KIF13B: variants seen among roughly 807,000 people sequenced by gnomAD.
KIF13B encodes kinesin family member 13B.
Under a neutral mutation model 222.0 loss-of-function variants are expected in KIF13B, and 127 were observed. The observed-to-expected ratio is 0.57, with a 90% CI of 0.50 to 0.66. KIF13B has a LOEUF of 0.66. KIF13B is among the 30% of genes least tolerant of loss of function. The probability of loss-of-function intolerance (pLI) is 0.00; values close to 1 mark genes in which losing one functional copy is unlikely to be tolerated. For missense variants in KIF13B, 2,173 were observed against 2,379.0 expected (o/e 0.91, Z 1.80); for synonymous variants, 976 against 919.0 (o/e 1.06, Z -1.12).
At chr8:29,175,683 A>G (rs1309599888) in intron 10 of KIF13B, among the ~76,000 whole-genome samples, 1 of 152,248 alleles carries the variant, frequency 6.6e-6, no homozygotes, top group Non-Finnish European at 1.5e-5. Context: ...CCAAAATGTT[A>G]GCCCAACAAA....
chr8:29,209,885 C>CAAAAAAAAAAAA (rs11414197), intron 2 of KIF13B, among the ~76,000 whole-genome samples: 1 of 107,514 alleles, frequency 9.3e-6, no homozygotes, highest in Non-Finnish European at 1.8e-5. Context: ...TACCTCTCCA[C>CAAAAAAAAAAAA]AAAAAAAAAA....
intron 18 of KIF13B, 111 bp downstream of exon 18, chr8:29,146,267 C>T: frequency 9.3e-7 from 1 of 1,070,808 alleles, no homozygotes; most frequent in African/African-American, 1.5e-5. Flanking sequence ...GACAAAGGAT[C>T]TGGACTTGGG....
intron 1 of KIF13B, among the ~76,000 whole-genome samples, chr8:29,256,396 G>A (rs1816480121): frequency 6.6e-6 from 1 of 152,186 alleles, no homozygotes; most frequent in South Asian, 2.1e-4. Context: ...GTGGAACTTG[G>A]AGCCAAGGGG....
rs576122477 is a variant in KIF13B, at chr8:29,212,358, C to G, written c.150-16159G>C. Among the ~76,000 whole-genome samples the G allele has an allele frequency of 2.4e-4, 37 of 152,296 alleles. No individual in the cohort carries two copies. In the East Asian group the frequency reaches 6.8e-3, roughly 28 times the overall value. On this transcript the variant is annotated intron_variant, in intron 2 of 39. Transcript: ENST00000524189. ...GGTTGCTCCCCATCTTCACCAACAC[C>G]CAGTGCAGCATCGTCTGTCGTTTTG... is the stretch of plus-strand genomic sequence containing the variant.
rs1383538414 is a variant in KIF13B at position 29,067,898 on chromosome 8, G to C, written c.*2606C>G. ...TCCCGCTCCCTCTGGTCAGGCCTGGGTACCCAGGAACCCAGTCACACACCT... is the reference window on the plus strand; with the variant it reads ...TCCCGCTCCCTCTGGTCAGGCCTGGCTACCCAGGAACCCAGTCACACACCT... On this transcript the variant is annotated 3_prime_UTR_variant, in exon 40 of 40. Coordinates refer to ENST00000524189, the MANE Select transcript of KIF13B (RefSeq NM_015254.4). 6.6e-6 allele frequency: 1 copy of C among 152,560 alleles called. No homozygotes were observed. Among genetic ancestry groups the C allele is most frequent in the Admixed American group, 6.5e-5 (1 of 15,286 alleles). The allele number at this position is 152,560 out of a possible 1,614,324, so 9.5% of individuals were successfully genotyped here.
Position 29,070,127 on chromosome 8 carries a change from A to G in KIF13B, c.*377T>C, listed in dbSNP as rs1377843702. 8.1e-6 allele frequency: 2 copies of G among 246,620 alleles called. No homozygotes were observed. The highest frequency in any genetic ancestry group is 1.6e-5 in the Non-Finnish European group (2 of 127,308). The allele number at this position is 246,620 out of a possible 1,614,324, so 15.3% of individuals were successfully genotyped here. On this transcript the variant is annotated 3_prime_UTR_variant, in exon 40 of 40. Coordinates refer to ENST00000524189, the MANE Select transcript of KIF13B (RefSeq NM_015254.4). The surrounding 1 kb of genome is among the most constrained non-coding windows in gnomAD (Gnocchi z 4.1). ...AAGGCACTGGTTACAATTATGGTTT[A>G]GGTTAAGACATTAGTGGGGCCACCA...
At chr8:29,155,975 TA>T (rs1328284505) in intron 13 of KIF13B, 119 bp from the exon 14 acceptor site, 4 of 728,124 alleles carry the variant, frequency 5.5e-6, no homozygotes, top group African/African-American at 5.4e-5. Flanking sequence ...TTTTTATTTT[TA>T]TTTTATTTTT....
At chr8:29,072,770 G>A (rs1044065624) in intron 38 of KIF13B, among the ~76,000 whole-genome samples, 9 of 152,106 alleles carry the variant, frequency 5.9e-5, no homozygotes, top group African/African-American at 1.9e-4. Flanking sequence ...GGGCCAGCAC[G>A]CTACAAAGAC....
In KIF13B at chr8:29,181,866, A is replaced by G. The variant is rs1563766324; in HGVS notation, c.585+53T>C. 2.5e-6 allele frequency: 3 copies of G among 1,192,100 alleles called. No individual in the cohort carries two copies. In the Admixed American group the frequency reaches 7.1e-5, roughly 28 times the overall value. 73.8% of individuals were successfully genotyped at this position (1,192,100 alleles called of 1,614,324 possible). On this transcript the variant is annotated intron_variant, in intron 7 of 39. Coordinates refer to ENST00000524189, the MANE Select transcript of KIF13B (RefSeq NM_015254.4). ...AACAAATTAAGCCAAGAAAAAAAAG[A>G]GCCCCACCCTACTACACTAAATTTA...
chr8:29,237,474 AC>A (rs2130615805), intron 2 of KIF13B, among the ~76,000 whole-genome samples: 1 of 152,280 alleles, frequency 6.6e-6, no homozygotes, highest in African/African-American at 2.4e-5. Flanking sequence ...ATATACACAA[AC>A]CCTGAGTCCA....
intron 14 of KIF13B, among the ~76,000 whole-genome samples, 196 bp downstream of exon 14, chr8:29,155,530 C>T (rs902871899): frequency 2.0e-5 from 3 of 152,124 alleles, no homozygotes; most frequent in African/African-American, 7.2e-5. Context: ...GGCCTAAATA[C>T]GTAAGGCCAT....
intron 38 of KIF13B, among the ~76,000 whole-genome samples, chr8:29,073,279 A>G (rs1807400375): frequency 6.6e-6 from 1 of 152,126 alleles, no homozygotes; most frequent in African/African-American, 2.4e-5. Context: ...CGGACCCTGG[A>G]GAGAGGCCAG....
At chr8:29,225,281 C>CA (rs1253850842) in intron 2 of KIF13B, among the ~76,000 whole-genome samples, 1 of 152,148 alleles carries the variant, frequency 6.6e-6, no homozygotes, top group African/African-American at 2.4e-5. Context: ...GCATTTTATG[C>CA]ATATTAACGC....
chr8:29,168,179 G>T lies in KIF13B; in HGVS notation c.946-594C>A, dbSNP rs191037219. ...TAGCACTTCAAAAGCTACTAAGATTGCAAGTTCTACAGAAGCACTTCCACC... is the reference window on the plus strand; with the variant it reads ...TAGCACTTCAAAAGCTACTAAGATTTCAAGTTCTACAGAAGCACTTCCACC... On this transcript the variant is annotated intron_variant, in intron 10 of 39. Transcript: ENST00000524189. Among the ~76,000 whole-genome samples the T allele has an allele frequency of 4.6e-5, 7 of 152,354 alleles. No homozygotes were observed. The East Asian group carries it at 1.3e-3, about 29-fold the overall frequency.
intron 3 of KIF13B, among the ~76,000 whole-genome samples, chr8:29,192,700 A>G (rs1813239239): frequency 6.6e-6 from 1 of 152,200 alleles, no homozygotes. Flanking sequence ...TTTTTTTAAG[A>G]AAGAAAATTA....
chr8:29,079,300 G>C (rs1782420564), intron 37 of KIF13B, among the ~76,000 whole-genome samples: 2 of 152,184 alleles, frequency 1.3e-5, no homozygotes, highest in South Asian at 4.1e-4. Context: ...GAATTCTCCT[G>C]CAACTGCAGG....
At chr8:29,097,098 A>G (rs1276793845) in intron 36 of KIF13B, among the ~76,000 whole-genome samples, 5 of 152,222 alleles carry the variant, frequency 3.3e-5, no homozygotes, top group Admixed American at 2.6e-4. Context: ...ATTTAAAGAC[A>G]AACACAGGCT....
rs567419428 is a variant in KIF13B, at chr8:29,106,479, A to AAAGTTAGTAGG, written c.4215+1649_4215+1659dup. On this transcript the variant is annotated intron_variant, in intron 35 of 39. Transcript: ENST00000524189. ...AAACCCCGTCTCTACTAAAAATACA[A>AAAGTTAGTAGG]AAGTTAGTAGGGCGTGGTGGCGAGT... Among the ~76,000 whole-genome samples, 1,059 of 152,102 alleles carry AAAGTTAGTAGG rather than the reference A, an allele frequency of 7.0e-3. 3 individuals carry two copies. Among genetic ancestry groups the AAAGTTAGTAGG allele is most frequent in the African/African-American group, 0.01 (422 of 41,474 alleles).
chr8:29,124,655 AG>A (rs1474927573), intron 26 of KIF13B, among the ~76,000 whole-genome samples: 9 of 152,250 alleles, frequency 5.9e-5, no homozygotes, highest in Non-Finnish European at 1.2e-4. Context: ...AGGTCAAGGC[AG>A]GCAGATAACC....
Sources: gnomAD v4.1 joint callset for allele counts (sites outside exome capture counted in the v4.1 genomes callset) on GRCh38, gnomAD v4.1.1 for gene constraint, Gnocchi (gnomAD v3.1) non-coding constraint, MANE v1.5 for transcripts, NCBI Gene and HGNC (gene_info 2026-07-23, HGNC 2026-07-21) for gene names.